WDR47: variants seen among roughly 807,000 people sequenced by gnomAD.
The protein encoded by WDR47 is WD repeat domain 47.
Under a neutral mutation model 97.2 loss-of-function variants are expected in WDR47, and 32 were observed. The ratio of observed to expected loss-of-function variants is 0.33; its 90% CI spans 0.25 to 0.44. The LOEUF is 0.44. WDR47 is among the 20% of genes least tolerant of loss of function. The pLI, the probability that WDR47 is intolerant of heterozygous loss-of-function variation, is 1.00. For synonymous variants in WDR47, 375 were observed against 373.5 expected (o/e 1.00, Z -0.05); for missense variants, 782 against 1,102.3 (o/e 0.71, Z 4.11).
chr1:108,982,811 A>T (rs1337670265), intron 11 of WDR47, 32 bp from the exon 12 acceptor site: 2 of 1,562,306 alleles, frequency 1.3e-6, no homozygotes, highest in African/African-American at 1.4e-5. Flanking sequence ...AAAAAAAAAA[A>T]TGCTGCTCAA....
At chr1:109,023,158 T>G (rs932687998) in intron 2 of WDR47, among the ~76,000 whole-genome samples, 197 bp downstream of exon 2, 3 of 151,754 alleles carry the variant, frequency 2.0e-5, no homozygotes, top group East Asian at 3.9e-4. Context: ...AGCCGACATC[T>G]CGCCACTGCA....
intron 8 of WDR47, among the ~76,000 whole-genome samples, chr1:108,994,556 C>A (rs1035280975): frequency 6.6e-6 from 1 of 151,770 alleles, no homozygotes; most frequent in South Asian, 2.1e-4. Flanking sequence ...CCAGCCTAGG[C>A]AACATAGTGA....
At chr1:108,973,764 G>T (rs942354859) in intron 14 of WDR47, among the ~76,000 whole-genome samples, 14 of 152,012 alleles carry the variant, frequency 9.2e-5, no homozygotes, top group African/African-American at 3.4e-4. Context: ...CACAGATGTA[G>T]TTCCAGCTAT....
Position 109,017,679 on chromosome 1 carries a change from C to T in WDR47, c.159-78G>A, listed in dbSNP as rs1661518890. 13 of 1,072,414 alleles carry T rather than the reference C, an allele frequency of 1.2e-5. 1 individual carries two copies. The highest frequency in any genetic ancestry group is 1.7e-5 in the Non-Finnish European group (12 of 720,422). 66.4% of individuals were successfully genotyped at this position (1,072,414 alleles called of 1,614,324 possible). ...ATTAAAAGCAGAACAGATGACAAAA[C>T]AGCATTCAAACTTCATAAAGCACAC... On this transcript the variant is annotated intron_variant, in intron 2 of 14. Transcript: ENST00000369962.
chr1:109,036,749 T>C (rs1009784365), intron 1 of WDR47, among the ~76,000 whole-genome samples: 5 of 149,620 alleles, frequency 3.3e-5, no homozygotes, highest in Non-Finnish European at 5.9e-5. Flanking sequence ...GGCAGGAGAA[T>C]GGCGTGAACC....
intron 9 of WDR47, among the ~76,000 whole-genome samples, chr1:108,989,643 T>C (rs1659165009): frequency 6.6e-6 from 1 of 152,166 alleles, no homozygotes; most frequent in African/African-American, 2.4e-5. Context: ...TTACTAAAGA[T>C]TGCTTTATAG....
intron 2 of WDR47, among the ~76,000 whole-genome samples, chr1:109,018,875 G>C (rs1661614692): frequency 1.3e-5 from 2 of 151,836 alleles, no homozygotes; most frequent in African/African-American, 4.8e-5. Flanking sequence ...TTCAAGACTA[G>C]CCTGGGCAAC....
chr1:108,998,303 G>C (rs1229705622), intron 7 of WDR47, among the ~76,000 whole-genome samples: 1 of 152,086 alleles, frequency 6.6e-6, no homozygotes, highest in Non-Finnish European at 1.5e-5. Flanking sequence ...GGGAGTTTGA[G>C]ACCAGCCTGG....
At chr1:108,995,086 G>T (rs1659650154) in intron 8 of WDR47, among the ~76,000 whole-genome samples, 1 of 152,158 alleles carries the variant, frequency 6.6e-6, no homozygotes, top group African/African-American at 2.4e-5. Context: ...ATTAACACTT[G>T]TATACTAATG....
intron 1 of WDR47, among the ~76,000 whole-genome samples, chr1:109,038,890 A>G (rs977623006): frequency 7.2e-5 from 11 of 152,142 alleles, no homozygotes; most frequent in African/African-American, 2.6e-4. Flanking sequence ...GAGGCAGGAG[A>G]ATCACTTGAA....
intron 2 of WDR47, among the ~76,000 whole-genome samples, chr1:109,019,737 C>T (rs1661683191): frequency 6.6e-6 from 1 of 152,150 alleles, no homozygotes; most frequent in African/African-American, 2.4e-5. Context: ...ATACAGTTTA[C>T]ACTGAGAATG....
intron 3 of WDR47, among the ~76,000 whole-genome samples, 188 bp from the exon 4 acceptor site, chr1:109,014,113 T>C (rs911639290): frequency 8.5e-5 from 13 of 152,208 alleles, no homozygotes; most frequent in African/African-American, 2.9e-4. Context: ...AATGAATTTA[T>C]ACTTCCAATA....
rs764376668 is a variant in WDR47 at position 109,013,826 on chromosome 1, G to T, written c.327+15C>A. On this transcript the variant is annotated intron_variant, in intron 4 of 14. Coordinates refer to ENST00000369962, the MANE Select transcript of WDR47 (RefSeq NM_001142551.2). ...ACAAGACTAGGGCGCAAACCTTCAGGAATAAAAATCTTACATGCTGGGGCT... is the reference window on the plus strand; with the variant it reads ...ACAAGACTAGGGCGCAAACCTTCAGTAATAAAAATCTTACATGCTGGGGCT... The T allele has an allele frequency of 6.2e-7, 1 of 1,611,968 alleles. No homozygotes were observed. Among genetic ancestry groups the T allele is most frequent in the Middle Eastern group, 1.6e-4 (1 of 6,080 alleles).
intron 6 of WDR47, among the ~76,000 whole-genome samples, chr1:109,003,697 G>T (rs1331519317): frequency 6.6e-6 from 1 of 152,006 alleles, no homozygotes; most frequent in Non-Finnish European, 1.5e-5. Flanking sequence ...TAGAGATGGG[G>T]TTTCACCATG....
chr1:109,039,217 C>T (rs1663174586), intron 1 of WDR47, among the ~76,000 whole-genome samples: 1 of 151,728 alleles, frequency 6.6e-6, no homozygotes, highest in East Asian at 1.9e-4. Flanking sequence ...CTATAGAACA[C>T]AAAAGAAAGG....
chr1:109,028,547 C>T lies in WDR47; in HGVS notation c.-9-5026G>A, dbSNP rs971904937. The stretch of plus-strand genomic sequence containing the variant: ...GTTTTTAATTGTTTTCAAAAACTTA[C>T]TGAAAAGGATGGAGCTGTGACTGAA... On this transcript the variant is annotated intron_variant, in intron 1 of 14. Transcript: ENST00000369962. Among the ~76,000 whole-genome samples the T allele has an allele frequency of 2.7e-5, 4 of 149,024 alleles. No individual in the cohort carries two copies. In the Admixed American group the frequency reaches 2.7e-4, roughly 10 times the overall value.
chr1:109,029,272 C>A (rs528418619), intron 1 of WDR47, among the ~76,000 whole-genome samples: 1 of 152,088 alleles, frequency 6.6e-6, no homozygotes, highest in African/African-American at 2.4e-5. Flanking sequence ...TGGCTATAAT[C>A]CCAACACTTT....
chr1:109,014,220 T>G (rs1661242914), intron 3 of WDR47, among the ~76,000 whole-genome samples: 1 of 152,164 alleles, frequency 6.6e-6, no homozygotes, highest in East Asian at 1.9e-4. Context: ...TTACCTTACA[T>G]CCTGTTTTTT....
chr1:108,979,900 T>C (rs552554203), intron 13 of WDR47, among the ~76,000 whole-genome samples: 242 of 152,340 alleles, frequency 1.6e-3, no homozygotes, highest in African/African-American at 5.8e-3. Context: ...GTCTATGGCC[T>C]GTTAGGCACC....
Sources: gnomAD v4.1 joint callset for allele counts (sites outside exome capture counted in the v4.1 genomes callset) on GRCh38, gnomAD v4.1.1 for gene constraint, MANE v1.5 for transcripts, NCBI Gene and HGNC (gene_info 2026-07-23, HGNC 2026-07-21) for gene names.